Variants in COG5 observed in about 807,000 individuals in gnomAD.
COG5 encodes the protein component of oligomeric golgi complex 5.
In COG5, 86 loss-of-function variants were observed where a neutral mutation model predicts 110.4. The ratio of observed to expected loss-of-function variants is 0.78; its 90% CI spans 0.65 to 0.93. The LOEUF is 0.93. COG5 is among the 40% of genes least tolerant of loss of function. The pLI is 0.00. For missense variants in COG5, 1,077 were observed against 987.0 expected (o/e 1.09, Z -1.22); for synonymous variants, 360 against 334.6 (o/e 1.08, Z -0.83).
At chr7:107,465,321 C>A (rs926474959) in intron 6 of COG5, among the ~76,000 whole-genome samples, 2 of 152,014 alleles carry the variant, frequency 1.3e-5, no homozygotes, top group African/African-American at 4.8e-5. Context: ...TAACAATAAA[C>A]AATTGGATTT....
At position 107,230,607 on chromosome 7, in the gene COG5, G is replaced by T. The variant is rs147277863; in HGVS notation, c.2168+8C>A. 2 of 1,597,808 alleles carry T rather than the reference G, an allele frequency of 1.3e-6. No individual in the cohort carries two copies. Among genetic ancestry groups the T allele is most frequent in the East Asian group, 2.2e-5 (1 of 44,768 alleles). On this transcript the variant is annotated splice_region_variant and intron_variant, in intron 19 of 21. Coordinates refer to ENST00000297135, the MANE Select transcript of COG5 (RefSeq NM_006348.5). ...ATATGAATGTATGAACAAAGAATTC[G>T]GTCTTACCTGAATGATCTCAGCATC... is the stretch of plus-strand genomic sequence containing the variant.
At chr7:107,226,427 C>A (rs1190371570) in intron 19 of COG5, among the ~76,000 whole-genome samples, 1 of 152,176 alleles carries the variant, frequency 6.6e-6, no homozygotes, top group African/African-American at 2.4e-5. Flanking sequence ...AGAGACAGAT[C>A]TCTAACAAGA....
intron 18 of COG5, among the ~76,000 whole-genome samples, chr7:107,231,730 C>T (rs1800789012): frequency 6.6e-6 from 1 of 152,154 alleles, no homozygotes; most frequent in African/African-American, 2.4e-5. Context: ...ATCGATCACT[C>T]ATTTGAGAAA....
intron 2 of COG5, among the ~76,000 whole-genome samples, chr7:107,555,147 A>T (rs571236571): frequency 6.6e-6 from 1 of 152,186 alleles, no homozygotes; most frequent in Non-Finnish European, 1.5e-5. Context: ...CCAGTGTCAC[A>T]TACCCACAGC....
chr7:107,505,899 G>T (rs758959934), intron 6 of COG5, among the ~76,000 whole-genome samples: 19 of 152,144 alleles, frequency 1.2e-4, no homozygotes, highest in Non-Finnish European at 2.4e-4. Context: ...CTGCTGCTTG[G>T]AATGCCTGCA....
intron 11 of COG5, among the ~76,000 whole-genome samples, chr7:107,300,165 A>C (rs1807142875): frequency 6.6e-6 from 1 of 152,080 alleles, no homozygotes; most frequent in Non-Finnish European, 1.5e-5. Flanking sequence ...GTCAACTAGG[A>C]ACAGAAAGGA....
At chr7:107,554,406 G>A (rs980792895) in intron 2 of COG5, 64 bp from the exon 3 acceptor site, 2 of 1,360,590 alleles carry the variant, frequency 1.5e-6, no homozygotes, top group Non-Finnish European at 2.1e-6. Context: ...TAACCACAAT[G>A]TAGAATGGAC....
At chr7:107,509,595 G>A (rs1400394996) in intron 6 of COG5, among the ~76,000 whole-genome samples, 2 of 152,106 alleles carry the variant, frequency 1.3e-5, no homozygotes, top group East Asian at 1.9e-4. Context: ...ACACGTAATT[G>A]TCAGATTCAC....
chr7:107,372,732 TG>T lies in COG5; in HGVS notation c.697del (p.Gln233ArgfsTer9), dbSNP rs1288339759. 2.5e-6 allele frequency: 4 copies of T among 1,613,458 alleles called. No individual in the cohort carries two copies. The African/African-American group carries it at 5.3e-5, about 22-fold the overall frequency. On this transcript the variant is annotated frameshift_variant, in exon 8 of 22. Transcript: ENST00000297135. LOFTEE classifies it high-confidence loss of function. The stretch of plus-strand genomic sequence containing the variant: ...CAAAGTTCCAAGATTATAGAAAACC[TG>T]AAGAGCTGTTCCGACTTGAGTTGGA... ...QNPTQVGTAL[Q>X]VFYNLGTLKD...
intron 10 of COG5, among the ~76,000 whole-genome samples, chr7:107,348,214 C>T (rs1811808279): frequency 1.3e-5 from 2 of 150,750 alleles, no homozygotes; most frequent in South Asian, 4.2e-4. Context: ...TACTGCTGCA[C>T]TTCTGTGGTA....
intron 16 of COG5, among the ~76,000 whole-genome samples, chr7:107,253,525 A>T (rs140035217): frequency 1.8e-3 from 268 of 152,300 alleles, no homozygotes; most frequent in Non-Finnish European, 1.4e-3. Flanking sequence ...AAATCTCAGT[A>T]AAAAATGGAT....
At chr7:107,337,362 CAA>C (rs1201030835) in intron 10 of COG5, among the ~76,000 whole-genome samples, 2 of 152,052 alleles carry the variant, frequency 1.3e-5, no homozygotes, top group Non-Finnish European at 2.9e-5. Context: ...CCACTATTTG[CAA>C]AAGCGAAGAT....
chr7:107,403,278 A>G (rs908602348), intron 7 of COG5, among the ~76,000 whole-genome samples: 1 of 152,196 alleles, frequency 6.6e-6, no homozygotes, highest in African/African-American at 2.4e-5. Flanking sequence ...CTTATAAACA[A>G]GAGAAATTTA....
chr7:107,307,510 C>T (rs1324815276), intron 11 of COG5, among the ~76,000 whole-genome samples: 3 of 152,170 alleles, frequency 2.0e-5, no homozygotes, highest in Non-Finnish European at 4.4e-5. Context: ...TTATCTATAT[C>T]CTGGCCAATG....
At chr7:107,249,741 T>C (rs529002843) in intron 16 of COG5, among the ~76,000 whole-genome samples, 12 of 149,300 alleles carry the variant, frequency 8.0e-5, no homozygotes, top group Non-Finnish European at 1.5e-4. Context: ...TGTGTGTGTA[T>C]ACATATAGTT....
intron 6 of COG5, among the ~76,000 whole-genome samples, chr7:107,435,204 G>A (rs558312183): frequency 1.3e-5 from 2 of 152,050 alleles, no homozygotes; most frequent in South Asian, 4.2e-4. Context: ...ATTTTACAAG[G>A]GGAAAAAATT....
chr7:107,493,067 A>C (rs1005321692), intron 6 of COG5, among the ~76,000 whole-genome samples: 2 of 152,170 alleles, frequency 1.3e-5, no homozygotes, highest in African/African-American at 4.8e-5. Flanking sequence ...CACCTTATGT[A>C]CACATACAGC....
chr7:107,288,200 C>CA (rs1436628166), intron 12 of COG5, among the ~76,000 whole-genome samples: 1 of 151,992 alleles, frequency 6.6e-6, no homozygotes, highest in African/African-American at 2.4e-5. Flanking sequence ...CTCGCCGCTA[C>CA]AAAAAATAAA....
intron 6 of COG5, among the ~76,000 whole-genome samples, chr7:107,437,591 A>G (rs1281690497): frequency 6.6e-6 from 1 of 152,168 alleles, no homozygotes; most frequent in Non-Finnish European, 1.5e-5. Context: ...ACTCTGTGAC[A>G]GTTGCTCTCT....
Sources: allele counts gnomAD v4.1 joint callset (sites outside exome capture counted in the v4.1 genomes callset), GRCh38; gene constraint gnomAD v4.1.1; transcripts MANE v1.5; gene names NCBI Gene and HGNC (gene_info 2026-07-23, HGNC 2026-07-21).